CTDSPL2: variants seen among roughly 807,000 people sequenced by gnomAD.
The protein encoded by CTDSPL2 is CTD small phosphatase-like protein 2.
In CTDSPL2, 5 loss-of-function variants were observed where a neutral mutation model predicts 60.0. The observed-to-expected ratio is 0.08, with a 90% CI of 0.04 to 0.18. The LOEUF is 0.18. Ranked by LOEUF, CTDSPL2 falls within the 10% of genes least tolerant of loss-of-function variation. The pLI is 1.00. For synonymous variants in CTDSPL2, 186 were observed against 189.3 expected (o/e 0.98, Z 0.14); for missense variants, 370 against 548.8 (o/e 0.67, Z 3.26).
At chr15:44,433,705 C>T (rs893453978) in intron 1 of CTDSPL2, among the ~76,000 whole-genome samples, 1 of 149,770 alleles carries the variant, frequency 6.7e-6, no homozygotes, top group African/African-American at 2.4e-5. Context: ...GAGTCTCGCT[C>T]TGTCACCCAG....
chr15:44,489,144 C>G (rs1312708058), intron 4 of CTDSPL2, among the ~76,000 whole-genome samples: 22 of 150,034 alleles, frequency 1.5e-4, no homozygotes, highest in Non-Finnish European at 2.4e-4. Context: ...CCCCTCCCCC[C>G]CACCTACCTC....
chr15:44,521,790 T>C (rs1312570419), intron 12 of CTDSPL2, among the ~76,000 whole-genome samples: 2 of 149,582 alleles, frequency 1.3e-5, no homozygotes, highest in East Asian at 2.0e-4. Flanking sequence ...TACAAAAAAT[T>C]AGCCGGGCGT....
rs188212485 is a variant in CTDSPL2, at chr15:44,458,742, T to G, written c.-24-249T>G. Among the ~76,000 whole-genome samples, 4 of 152,258 alleles carry G rather than the reference T, an allele frequency of 2.6e-5. 1 individual carries two copies. Among genetic ancestry groups the G allele is most frequent in the African/African-American group, 9.6e-5 (4 of 41,558 alleles). ...CACACTCCTTGGTGTTACCCTTACT[T>G]TAGATCATAGGATATATTATAATAT... is the stretch of plus-strand genomic sequence containing the variant. On this transcript the variant is annotated intron_variant, in intron 1 of 12. Transcript: ENST00000260327.
At chr15:44,520,359 G>A (rs1479695514) in intron 11 of CTDSPL2, 1 of 151,910 alleles carries the variant, frequency 6.6e-6, no homozygotes, top group Non-Finnish European at 1.5e-5. Flanking sequence ...GTGTTGGCCA[G>A]GCTGGTCTCG....
At chr15:44,471,173 T>C (rs2080802255) in intron 2 of CTDSPL2, among the ~76,000 whole-genome samples, 1 of 152,194 alleles carries the variant, frequency 6.6e-6, no homozygotes, top group African/African-American at 2.4e-5. Flanking sequence ...CATGTATCTG[T>C]AGTTGATTCC....
chr15:44,443,254 C>T (rs2080129743), intron 1 of CTDSPL2, among the ~76,000 whole-genome samples: 1 of 152,194 alleles, frequency 6.6e-6, no homozygotes. Flanking sequence ...CTTTTTAAGG[C>T]TGAATACTAC....
chr15:44,444,107 G>A (rs2141290808), intron 1 of CTDSPL2, among the ~76,000 whole-genome samples: 1 of 152,084 alleles, frequency 6.6e-6, no homozygotes, highest in South Asian at 2.1e-4. Context: ...GTCTCACCTT[G>A]TTGCTCAGAC....
chr15:44,452,317 T>C (rs976274084), intron 1 of CTDSPL2, among the ~76,000 whole-genome samples: 23 of 152,178 alleles, frequency 1.5e-4, no homozygotes, highest in African/African-American at 5.5e-4. Context: ...TTATTTTGTG[T>C]CTGCCATTGT....
intron 8 of CTDSPL2, among the ~76,000 whole-genome samples, chr15:44,506,202 G>C (rs2081460006): frequency 6.6e-6 from 1 of 151,456 alleles, no homozygotes; most frequent in African/African-American, 2.4e-5. Context: ...GCTAATTTTT[G>C]TATTTTTAGT....
intron 1 of CTDSPL2, among the ~76,000 whole-genome samples, chr15:44,450,818 G>A (rs1009757465): frequency 2.0e-5 from 3 of 151,702 alleles, no homozygotes; most frequent in African/African-American, 7.3e-5. Context: ...GGCTGGTCTC[G>A]AACTCCTGAC....
intron 1 of CTDSPL2, among the ~76,000 whole-genome samples, chr15:44,435,256 CAAAAAAAAA>C (rs35787192): frequency 1.3e-4 from 6 of 46,066 alleles, no homozygotes; most frequent in Non-Finnish European, 2.9e-4. Flanking sequence ...GACTCCGTCT[CAAAAAAAAA>C]AAAAAAAAAA....
At chr15:44,431,505 A>G (rs1472692771) in intron 1 of CTDSPL2, among the ~76,000 whole-genome samples, 1 of 152,182 alleles carries the variant, frequency 6.6e-6, no homozygotes, top group Non-Finnish European at 1.5e-5. Flanking sequence ...CCAATGCCTA[A>G]CTTTATTTAT....
chr15:44,490,509 G>A (rs1451581735), intron 4 of CTDSPL2, among the ~76,000 whole-genome samples: 1 of 152,100 alleles, frequency 6.6e-6, no homozygotes, highest in Non-Finnish European at 1.5e-5. Context: ...ATGATTAGGG[G>A]AACAGCTAAT....
chr15:44,513,648 G>A (rs991079743), intron 8 of CTDSPL2, among the ~76,000 whole-genome samples: 3 of 152,092 alleles, frequency 2.0e-5, no homozygotes, highest in Admixed American at 2.0e-4. Flanking sequence ...CAAGGTGTTT[G>A]GTTTGTTTTT....
In CTDSPL2 at chr15:44,521,400, A is replaced by G. The variant is rs530719780; in HGVS notation, c.1329A>G (p.Val443=). 7.2e-6 allele frequency: 11 copies of G among 1,531,678 alleles called. No individual in the cohort carries two copies. The highest frequency in any genetic ancestry group is 1.4e-5 in the African/African-American group (1 of 72,826). The allele number at this position is 1,531,678 out of a possible 1,614,324, so 94.9% of individuals were successfully genotyped here. The change falls in exon 12 of 13, where the codon GTA becomes GTG. Residue 443 remains valine, a synonymous_variant. Transcript: ENST00000260327. ...TGATTCCATTCCTGGAGAAGCTTGT[A>G]GAACTGGTAAGTGTAGCTTATCTTT... ...LKLIPFLEKL[V]ELNEDVRPHI... is the part of the protein sequence containing the mutation.
intron 2 of CTDSPL2, among the ~76,000 whole-genome samples, chr15:44,478,845 G>A (rs538014435): frequency 2.6e-5 from 4 of 152,006 alleles, no homozygotes; most frequent in Non-Finnish European, 5.9e-5. Context: ...AGCTGGGCGT[G>A]GTGGCAGGCA....
chr15:44,467,306 A>AT (rs2080716361), intron 2 of CTDSPL2, among the ~76,000 whole-genome samples: 1 of 151,956 alleles, frequency 6.6e-6, no homozygotes, highest in South Asian at 2.1e-4. Flanking sequence ...ACTGGGACTT[A>AT]TTTTTTTCTT....
intron 10 of CTDSPL2, among the ~76,000 whole-genome samples, chr15:44,515,850 G>A (rs1399437642): frequency 1.3e-5 from 2 of 152,076 alleles, no homozygotes; most frequent in African/African-American, 4.8e-5. Context: ...TCCAGCCTGG[G>A]CAACAAGAGC....
chr15:44,464,495 T>C (rs547793404), intron 2 of CTDSPL2, among the ~76,000 whole-genome samples: 1 of 152,202 alleles, frequency 6.6e-6, no homozygotes, highest in Non-Finnish European at 1.5e-5. Flanking sequence ...TTCTCCTTTA[T>C]TATTGTCTGT....
Sources: gnomAD v4.1 joint callset for allele counts (sites outside exome capture counted in the v4.1 genomes callset) on GRCh38, gnomAD v4.1.1 for gene constraint, MANE v1.5 for transcripts, NCBI Gene and HGNC (gene_info 2026-07-23, HGNC 2026-07-21) for gene names.